LRRC14B: variants seen among roughly 807,000 people sequenced by gnomAD.
LRRC14B encodes the protein leucine rich repeat containing 14B.
Under a neutral mutation model 16.9 loss-of-function variants are expected in LRRC14B, and 23 were observed. The ratio of observed to expected loss-of-function variants is 1.36; its 90% CI spans 0.98 to 1.92. The LOEUF (loss-of-function observed/expected upper bound fraction) is 1.92. LRRC14B is among the 30% of genes most tolerant of loss of function. LRRC14B has a pLI of 0.00. For missense variants in LRRC14B, 766 were observed against 705.7 expected (o/e 1.09, Z -0.97); for synonymous variants, 358 against 332.5 (o/e 1.08, Z -0.83).
In LRRC14B at chr5:192,072, A is replaced by G. The variant is rs1466122488; in HGVS notation, c.534A>G (p.Pro178=). 1.8e-5 allele frequency: 28 copies of G among 1,546,866 alleles called. No homozygotes were observed. The highest frequency in any genetic ancestry group is 2.3e-5 in the Non-Finnish European group (27 of 1,151,200). The part of the protein sequence containing the change: ...NFEAVVQALR[P]AGPAPLRVHC... ...AGGCGGTGGTGCAGGCTCTGAGGCC[A>G]GCGGGCCCGGCCCCTCTGCGGGTGC... Residue 178 remains proline, a synonymous_variant, in exon 1 of 2, where the codon CCA becomes CCG. Transcript: ENST00000328278.
In LRRC14B at chr5:192,392, G is replaced by C; in HGVS notation, c.854G>C (p.Ser285Thr). ...LSKMAQLTEL[S>T]VAFSTLTGKI... is the part of the protein sequence containing the mutation. ...AAGATGGCGCAGCTCACTGAGCTCA[G>C]TGTGGCCTTCTCCACGCTGACCGGG... Residue 285 changes from serine (S) to threonine (T), a missense_variant, in exon 1 of 2, where the codon AGT (serine) becomes ACT (threonine). Coordinates refer to ENST00000328278, the MANE Select transcript of LRRC14B (RefSeq NM_001080478.3). 1 of 1,575,340 alleles carries C rather than the reference G, an allele frequency of 6.3e-7. No individual in the cohort carries two copies. Among genetic ancestry groups the C allele is most frequent in the Non-Finnish European group, 8.6e-7 (1 of 1,160,156 alleles).
intron 1 of LRRC14B, 43 bp downstream of exon 1, chr5:192,480 G>A: frequency 6.9e-7 from 1 of 1,454,964 alleles, no homozygotes; most frequent in Non-Finnish European, 9.1e-7. Context: ...GGTGGCTGCA[G>A]AGGCAAGGAG....
At position 195,267 on chromosome 5, in the gene LRRC14B, A is replaced by C; in HGVS notation, c.1459A>C (p.Thr487Pro). 1 of 1,612,672 alleles carries C rather than the reference A, an allele frequency of 6.2e-7. No individual in the cohort carries two copies. The highest frequency in any genetic ancestry group is 8.5e-7 in the Non-Finnish European group (1 of 1,179,880). ...FGSFDPDIQE[T>P]SNELGAFLLQ... Reference sequence around the variant, plus strand: ...AAGTTTTGACCCAGACATTCAAGAAACAAGCAATGAGCTTGGTGCTTTCTT... The same window carrying C: ...AAGTTTTGACCCAGACATTCAAGAACCAAGCAATGAGCTTGGTGCTTTCTT... The change falls in exon 2 of 2, where the codon ACA becomes CCA. Residue 487 changes from threonine (T) to proline (P), a missense_variant. Physicochemically the swap from Thr to Pro is conservative, Grantham distance 38. Coordinates refer to ENST00000328278, the MANE Select transcript of LRRC14B (RefSeq NM_001080478.3).
rs1396594521 is a variant in LRRC14B, at chr5:194,709, C to G, written c.901C>G (p.Pro301Ala). 3.1e-6 allele frequency: 5 copies of G among 1,602,428 alleles called. No homozygotes were observed. The highest frequency in any genetic ancestry group is 4.3e-6 in the Non-Finnish European group (5 of 1,173,942). The change falls in exon 2 of 2, where the codon CCC becomes GCC. Residue 301 changes from proline (P) to alanine (A), a missense_variant and splice_region_variant. Pro to Ala is a conservative substitution (Grantham distance 27). Transcript: ENST00000328278. ...LTGKIPTLLG[P>A]LQTPLRVLDL... ...TGCTCTTTCCCCCGTGTCCTGCAGCCCCCTACAGACCCCGCTGCGAGTACT... is the reference window on the plus strand; with the variant it reads ...TGCTCTTTCCCCCGTGTCCTGCAGCGCCCTACAGACCCCGCTGCGAGTACT...
Position 195,458 on chromosome 5 carries a change from C to A in LRRC14B, c.*105C>A. ...GGCCCGGCATTCATCCCCACCACCA[C>A]CACCACCAAAAGCAGTTCTTAGTGA... On this transcript the variant is annotated 3_prime_UTR_variant, in exon 2 of 2. Transcript: ENST00000328278. The A allele has an allele frequency of 9.6e-7, 1 of 1,040,456 alleles. No individual in the cohort carries two copies. Among genetic ancestry groups the A allele is most frequent in the Non-Finnish European group, 1.4e-6 (1 of 725,420 alleles). The allele number at this position is 1,040,456 out of a possible 1,614,324, so 64.5% of individuals were successfully genotyped here. A position where few individuals can be genotyped will look rare whatever the true frequency, so the allele number is the denominator to read the frequency against.
At chr5:192,676 T>TA (rs1005904125) in intron 1 of LRRC14B, among the ~76,000 whole-genome samples, 1 of 152,066 alleles carries the variant, frequency 6.6e-6, no homozygotes, top group African/African-American at 2.4e-5. Context: ...GAATGCCAGT[T>TA]AAAAAAAGAG....
Position 195,259 on chromosome 5 carries a change from T to G in LRRC14B, c.1451T>G (p.Ile484Ser), listed in dbSNP as rs1560969670. 1.2e-6 allele frequency: 2 copies of G among 1,612,894 alleles called. No homozygotes were observed. Among genetic ancestry groups the G allele is most frequent in the Admixed American group, 3.3e-5 (2 of 60,004 alleles). ...CTCTTTGGAAGTTTTGACCCAGACA[T>G]TCAAGAAACAAGCAATGAGCTTGGT... Reference protein sequence around the residue: ...TPLFGSFDPDIQETSNELGAF... With the variant: ...TPLFGSFDPDSQETSNELGAF... Residue 484 changes from isoleucine (I) to serine (S), a missense_variant, in exon 2 of 2, where the codon ATT (isoleucine) becomes AGT (serine). Physicochemically the swap from Ile to Ser is moderately radical, Grantham distance 142. Coordinates refer to ENST00000328278, the MANE Select transcript of LRRC14B (RefSeq NM_001080478.3).
In LRRC14B at chr5:194,837, G is replaced by C. The variant is rs1387442307; in HGVS notation, c.1029G>C (p.Leu343=). The C allele has an allele frequency of 1.9e-6, 3 of 1,598,304 alleles. No homozygotes were observed. Among genetic ancestry groups the C allele is most frequent in the Admixed American group, 1.8e-5 (1 of 57,016 alleles). Residue 343 remains leucine (L), a synonymous_variant, in exon 2 of 2, where the codon CTG becomes CTC. Transcript: ENST00000328278. ...LEVLDLSGHN[L]VSLYPSTFFR... is the part of the protein sequence containing the mutation. ...TGCTGGACCTCAGTGGACACAACCT[G>C]GTCAGCCTGTACCCCTCGACCTTCT...
intron 1 of LRRC14B, among the ~76,000 whole-genome samples, chr5:192,696 A>G (rs1036951070): frequency 6.6e-6 from 1 of 152,242 alleles, no homozygotes; most frequent in Admixed American, 6.5e-5. Context: ...GAATACGGAA[A>G]TTACCAAACA....
rs914915216 is a variant in LRRC14B at position 194,589 on chromosome 5, T to C, written c.900-119T>C. On this transcript the variant is annotated intron_variant, in intron 1 of 1. Coordinates refer to ENST00000328278, the MANE Select transcript of LRRC14B (RefSeq NM_001080478.3). ...TAGGCTGTATGAAATTAGGCGGTGG[T>C]TGGACGTGACTGTGTGTTGACCCCA... The C allele has an allele frequency of 5.6e-6, 5 of 900,502 alleles. No individual in the cohort carries two copies. In the African/African-American group the frequency reaches 6.8e-5, roughly 12 times the overall value. 55.8% of individuals were successfully genotyped at this position (900,502 alleles called of 1,614,324 possible). A position where few individuals can be genotyped will look rare whatever the true frequency, so the allele number is the denominator to read the frequency against.
chr5:193,098 A>AGT (rs1733839986), intron 1 of LRRC14B, among the ~76,000 whole-genome samples: 1 of 148,440 alleles, frequency 6.7e-6, no homozygotes, highest in African/African-American at 2.5e-5. Context: ...GGTGCCCAGC[A>AGT]GTGGATCCTG....
At chr5:193,064 ATGCCCGGCGGTGGGTCCAAGGGGGG>A (rs921784310) in intron 1 of LRRC14B, among the ~76,000 whole-genome samples, 5 of 151,396 alleles carry the variant, frequency 3.3e-5, no homozygotes, top group African/African-American at 1.2e-4. Context: ...GGTGAGGGGG[ATGCCCGGCGGTGGGTCCAAGGGGGG>A]TGCCCAGCAG....
Position 191,939 on chromosome 5 carries a change from G to A in LRRC14B, c.401G>A (p.Arg134His), listed in dbSNP as rs182961336. 2,290 of 1,514,386 alleles carry A rather than the reference G, an allele frequency of 1.5e-3. 33 individuals are homozygous for A. In the African/African-American group the frequency reaches 0.028, roughly 18 times the overall value. 93.8% of individuals were successfully genotyped at this position (1,514,386 alleles called of 1,614,324 possible). A position where few individuals can be genotyped will look rare whatever the true frequency, so the allele number is the denominator to read the frequency against. Residue 134 changes from arginine (R) to histidine (H), a missense_variant, in exon 1 of 2, where the codon CGC (arginine) becomes CAC (histidine). Arg to His is a conservative substitution (Grantham distance 29, BLOSUM62 0). Transcript: ENST00000328278. ...PCGRALGRWG[R>H]TQLLARTCCE... ...GGGAGGGCGCTGGGCAGGTGGGGCCGCACCCAGCTGCTGGCCAGGACCTGC... is the reference window on the plus strand; with the variant it reads ...GGGAGGGCGCTGGGCAGGTGGGGCCACACCCAGCTGCTGGCCAGGACCTGC...
Position 192,046 on chromosome 5 carries a change from G to A in LRRC14B, c.508G>A (p.Glu170Lys), listed in dbSNP as rs1417792927. The change falls in exon 1 of 2, where the codon GAG (glutamate) becomes AAG (lysine). Residue 170 changes from glutamate (E) to lysine (K), a missense_variant. Transcript: ENST00000328278. ...ADLFVTEGNF[E>K]AVVQALRPAG... ...CCTCTTCGTCACTGAGGGCAACTTCGAGGCGGTGGTGCAGGCTCTGAGGCC... is the reference window on the plus strand; with the variant it reads ...CCTCTTCGTCACTGAGGGCAACTTCAAGGCGGTGGTGCAGGCTCTGAGGCC... The A allele has an allele frequency of 1.3e-6, 2 of 1,542,992 alleles. No individual in the cohort carries two copies. Among genetic ancestry groups the A allele is most frequent in the East Asian group, 4.8e-5 (2 of 41,506 alleles).
rs766037208 is a variant in LRRC14B at position 192,204 on chromosome 5, G to C, written c.666G>C (p.Val222=). The C allele has an allele frequency of 1.2e-5, 19 of 1,598,896 alleles. No individual in the cohort carries two copies. In the South Asian group the frequency reaches 2.0e-4, roughly 17 times the overall value. The change falls in exon 1 of 2, where the codon GTG becomes GTC. Residue 222 remains valine (V), a synonymous_variant. Coordinates refer to ENST00000328278, the MANE Select transcript of LRRC14B (RefSeq NM_001080478.3). ...GCAAGCTGGAGGTGGTGCACAACGT[G>C]CGGCTGCATGCGGGCCACGTGCAGC... ...ALRKLEVVHN[V]RLHAGHVQQL...
At position 195,354 on chromosome 5, in the gene LRRC14B, T is replaced by C. The variant is rs562377775; in HGVS notation, c.*1T>C. 801 of 1,598,786 alleles carry C rather than the reference T, an allele frequency of 5.0e-4. 19 individuals carry two copies. The South Asian group carries it at 8.5e-3, about 17-fold the overall frequency. On this transcript the variant is annotated 3_prime_UTR_variant, in exon 2 of 2. Coordinates refer to ENST00000328278, the MANE Select transcript of LRRC14B (RefSeq NM_001080478.3). Reference sequence around the variant, plus strand: ...CAGAGCACTCAAACAAATAGAGTAGTTCCTCCACTCGCACCAGTGACAGGT... The same window carrying C: ...CAGAGCACTCAAACAAATAGAGTAGCTCCTCCACTCGCACCAGTGACAGGT...
chr5:191,701 G>C lies in LRRC14B; in HGVS notation c.163G>C (p.Gly55Arg). The C allele has an allele frequency of 6.3e-7, 1 of 1,592,484 alleles. No homozygotes were observed. Among genetic ancestry groups the C allele is most frequent in the Non-Finnish European group, 8.5e-7 (1 of 1,170,190 alleles). Reference protein sequence around the residue: ...EQAEVTRAVLGRWPLEEFRLG... With the variant: ...EQAEVTRAVLRRWPLEEFRLG... The stretch of plus-strand genomic sequence containing the variant: ...GGCGGAGGTGACGCGCGCGGTGCTG[G>C]GGCGCTGGCCCCTGGAGGAGTTCCG... The change falls in exon 1 of 2, where the codon GGG becomes CGG. Residue 55 changes from glycine to arginine, a missense_variant. By Grantham distance (125) the Gly-to-Arg change is moderately radical. Transcript: ENST00000328278.
chr5:192,324 C>T lies in LRRC14B; in HGVS notation c.786C>T (p.Asp262=), dbSNP rs369014987. Residue 262 remains aspartate, a synonymous_variant, in exon 1 of 2, where the codon GAC becomes GAT. Coordinates refer to ENST00000328278, the MANE Select transcript of LRRC14B (RefSeq NM_001080478.3). ...DAPPTYASTP[D]GEDPLLASIA... ...CCCCCACCTACGCCTCCACTCCCGACGGCGAGGACCCCCTCCTCGCCTCCA... is the reference window on the plus strand; with the variant it reads ...CCCCCACCTACGCCTCCACTCCCGATGGCGAGGACCCCCTCCTCGCCTCCA... The T allele has an allele frequency of 1.8e-4, 290 of 1,598,602 alleles. 2 individuals carry two copies. In the African/African-American group the frequency reaches 3.2e-3, roughly 18 times the overall value.
chr5:194,886 C>A lies in LRRC14B; in HGVS notation c.1078C>A (p.Arg360=), dbSNP rs754385256. The part of the protein sequence containing the change: ...TFFRLLSQAS[R]TLRILTLEEC... ...CTTCAGGCTGCTCAGCCAGGCTTCC[C>A]GGACGCTGAGGATCCTGACACTGGA... is the stretch of plus-strand genomic sequence containing the variant. The change falls in exon 2 of 2, where the codon CGG becomes AGG. Residue 360 remains arginine, a synonymous_variant. Transcript: ENST00000328278. 1.9e-6 allele frequency: 3 copies of A among 1,597,826 alleles called. No individual in the cohort carries two copies. Among genetic ancestry groups the A allele is most frequent in the East Asian group, 4.6e-5 (2 of 43,928 alleles).
Sources: gnomAD v4.1 joint callset for allele counts (sites outside exome capture counted in the v4.1 genomes callset) on GRCh38, gnomAD v4.1.1 for gene constraint, MANE v1.5 for transcripts, NCBI Gene and HGNC (gene_info 2026-07-23, HGNC 2026-07-21) for gene names.